Variants in ADAMTSL3 observed in about 807,000 individuals in gnomAD.
ADAMTSL3 encodes the protein ADAMTS-like protein 3.
In ADAMTSL3, 128 loss-of-function variants were observed where a neutral mutation model predicts 201.7. The observed-to-expected ratio is 0.63, with a 90% CI of 0.55 to 0.73. The LOEUF (loss-of-function observed/expected upper bound fraction) is 0.73. Among genes scored for constraint, ADAMTSL3 ranks in the 30% least tolerant of loss-of-function variants. ADAMTSL3 has a pLI of 0.00. For synonymous variants in ADAMTSL3, 738 were observed against 748.4 expected (o/e 0.99, Z 0.23); for missense variants, 1,990 against 2,119.6 (o/e 0.94, Z 1.20).
intron 19 of ADAMTSL3, among the ~76,000 whole-genome samples, chr15:83,962,843 A>G (rs2066998828): frequency 6.6e-6 from 1 of 152,168 alleles, no homozygotes; most frequent in African/African-American, 2.4e-5. Flanking sequence ...GACTGGTTAG[A>G]CAGAGGGTGC....
At chr15:83,921,383 A>G (rs1307944903) in intron 16 of ADAMTSL3, among the ~76,000 whole-genome samples, 1 of 152,214 alleles carries the variant, frequency 6.6e-6, no homozygotes, top group African/African-American at 2.4e-5. Flanking sequence ...TTAAAGCAAC[A>G]TAATTTTCTT....
At chr15:83,986,909 C>CTTGGG (rs1309037133) in intron 21 of ADAMTSL3, among the ~76,000 whole-genome samples, 1 of 152,168 alleles carries the variant, frequency 6.6e-6, no homozygotes, top group East Asian at 1.9e-4. Flanking sequence ...CAGAATTCAA[C>CTTGGG]CTGGTGGTTC....
chr15:83,863,666 A>T (rs1437226652), intron 8 of ADAMTSL3, among the ~76,000 whole-genome samples: 2 of 152,232 alleles, frequency 1.3e-5, no homozygotes, highest in Non-Finnish European at 2.9e-5. Context: ...AAAGCAGGAA[A>T]GATCTAAAAT....
At chr15:83,686,414 G>C (rs1408332115) in intron 2 of ADAMTSL3, among the ~76,000 whole-genome samples, 1 of 152,208 alleles carries the variant, frequency 6.6e-6, no homozygotes, top group Non-Finnish European at 1.5e-5. Flanking sequence ...AAAAATGGAA[G>C]AAATGGAAGA....
chr15:83,827,799 G>C (rs1192224029), intron 6 of ADAMTSL3, among the ~76,000 whole-genome samples: 14 of 151,988 alleles, frequency 9.2e-5, no homozygotes, highest in East Asian at 1.9e-4. Flanking sequence ...GCTTGTTTTT[G>C]TCAGGTTTGT....
At chr15:83,714,763 C>CTT (rs1433547185) in intron 3 of ADAMTSL3, among the ~76,000 whole-genome samples, 10 of 88,784 alleles carry the variant, frequency 1.1e-4, no homozygotes, top group Admixed American at 5.6e-4. Flanking sequence ...TCCCTTTTCT[C>CTT]TTTCTTTCTT....
In ADAMTSL3 at chr15:84,036,998, C is replaced by T; in HGVS notation, c.4969+11C>T. On this transcript the variant is annotated intron_variant, in intron 29 of 29. Coordinates refer to ENST00000286744, the MANE Select transcript of ADAMTSL3 (RefSeq NM_207517.3). ...GGCCCTCCTGTGATAGTACGTACAC[C>T]TCCCAGGTATCTCCACTGCCCCAGA... 4 of 1,613,068 alleles carry T rather than the reference C, an allele frequency of 2.5e-6. No homozygotes were observed. The highest frequency in any genetic ancestry group is 3.4e-6 in the Non-Finnish European group (4 of 1,179,376).
chr15:83,860,025 A>G (rs143895995), intron 8 of ADAMTSL3, among the ~76,000 whole-genome samples: 2,185 of 152,116 alleles, frequency 0.014, 28 homozygotes, highest in South Asian at 0.025. Flanking sequence ...AAAATTAGCT[A>G]GGCATAGTGG....
At chr15:83,674,293 C>A (rs774266654) in intron 2 of ADAMTSL3, among the ~76,000 whole-genome samples, 1 of 151,798 alleles carries the variant, frequency 6.6e-6, no homozygotes, top group African/African-American at 2.4e-5. Flanking sequence ...TCACATCTTA[C>A]GTTATATGGT....
At chr15:83,778,347 T>C (rs6602986) in intron 4 of ADAMTSL3, among the ~76,000 whole-genome samples, 120,364 of 152,114 alleles carry the variant, frequency 0.79, 48,788 homozygotes, top group East Asian at 0.98. Context: ...AAGGCTGAAA[T>C]GAGAAAAAAT....
At position 83,884,997 on chromosome 15, in the gene ADAMTSL3, G is replaced by A. The variant is rs117559716; in HGVS notation, c.961-104G>A. The A allele has an allele frequency of 7.9e-4, 544 of 685,976 alleles. 1 individual carries two copies. Among genetic ancestry groups the A allele is most frequent in the Non-Finnish European group, 1.2e-3 (464 of 399,558 alleles). The allele number at this position is 685,976 out of a possible 1,614,324, so 42.5% of individuals were successfully genotyped here. On this transcript the variant is annotated intron_variant, in intron 9 of 29. Coordinates refer to ENST00000286744, the MANE Select transcript of ADAMTSL3 (RefSeq NM_207517.3). ...TTGCCCCATAGTTTTTCTAATGGATGGGTGGTTGTCTACATACATGAAGAA... is the reference window on the plus strand; with the variant it reads ...TTGCCCCATAGTTTTTCTAATGGATAGGTGGTTGTCTACATACATGAAGAA...
rs1039376221 is a variant in ADAMTSL3, at chr15:83,654,844, A to C, written c.-34+568A>C. Among the ~76,000 whole-genome samples, 1 of 152,156 alleles carries C rather than the reference A, an allele frequency of 6.6e-6. No individual in the cohort carries two copies. The highest frequency in any genetic ancestry group is 2.4e-5 in the African/African-American group (1 of 41,440). ...CCGCACTGGCCGCCTCCCTTCAGCC[A>C]GGAGTCGCCGCCTCAGGTCGGAAAC... On this transcript the variant is annotated intron_variant, in intron 1 of 29. Coordinates refer to ENST00000286744, the MANE Select transcript of ADAMTSL3 (RefSeq NM_207517.3). The surrounding 1 kb of genome is among the most constrained non-coding windows in gnomAD (Gnocchi z 5.3).
chr15:83,738,347 T>C (rs540676748), intron 3 of ADAMTSL3, among the ~76,000 whole-genome samples: 1 of 152,292 alleles, frequency 6.6e-6, no homozygotes, highest in South Asian at 2.1e-4. Context: ...GGGTCTCCTT[T>C]TAGAGATATT....
At chr15:83,726,863 T>G (rs1355083530) in intron 3 of ADAMTSL3, among the ~76,000 whole-genome samples, 2 of 151,872 alleles carry the variant, frequency 1.3e-5, no homozygotes, top group African/African-American at 2.4e-5. Context: ...CTTTTTTCTT[T>G]TTTTTTTGTG....
At chr15:83,715,821 C>T (rs985510284) in intron 3 of ADAMTSL3, among the ~76,000 whole-genome samples, 2 of 152,140 alleles carry the variant, frequency 1.3e-5, no homozygotes, top group African/African-American at 2.4e-5. Context: ...GTGCTCTGGC[C>T]AGACTGGACT....
intron 8 of ADAMTSL3, 44 bp from the exon 9 acceptor site, chr15:83,870,758 C>T (rs371469516): frequency 1.4e-6 from 2 of 1,468,750 alleles, no homozygotes; most frequent in Admixed American, 2.2e-5. Context: ...TAATAAAATA[C>T]CTTTAAGATT....
chr15:83,902,359 C>G (rs2065743377), intron 15 of ADAMTSL3, among the ~76,000 whole-genome samples: 1 of 152,184 alleles, frequency 6.6e-6, no homozygotes. Context: ...CAACCTCCGC[C>G]TTCCGGGTTC....
chr15:83,736,703 G>A (rs2062374004), intron 3 of ADAMTSL3, among the ~76,000 whole-genome samples: 1 of 152,150 alleles, frequency 6.6e-6, no homozygotes, highest in East Asian at 1.9e-4. Flanking sequence ...TTCTTTCCTA[G>A]GTAGGTAGCG....
intron 3 of ADAMTSL3, among the ~76,000 whole-genome samples, chr15:83,710,181 GA>G (rs1567089313): frequency 6.6e-6 from 1 of 152,174 alleles, no homozygotes; most frequent in Non-Finnish European, 1.5e-5. Context: ...TCATGTTGGA[GA>G]GGTCCTTTTA....
Sources: gnomAD v4.1 joint callset for allele counts (sites outside exome capture counted in the v4.1 genomes callset) on GRCh38, gnomAD v4.1.1 for gene constraint, Gnocchi (gnomAD v3.1) non-coding constraint, MANE v1.5 for transcripts, NCBI Gene and HGNC (gene_info 2026-07-23, HGNC 2026-07-21) for gene names.